The following NKAIN3 variants were observed in gnomAD, a reference collection of about 807,000 sequenced individuals.
NKAIN3 encodes the protein sodium/potassium-transporting ATPase subunit beta-1-interacting protein 3.
In NKAIN3, 25 loss-of-function variants were observed where a neutral mutation model predicts 30.2. That is an observed-to-expected ratio of 0.83 (90% CI 0.60 to 1.16). The LOEUF is 1.16. NKAIN3 is among the 50% of genes most tolerant of loss of function. The pLI, the probability that NKAIN3 is intolerant of heterozygous loss-of-function variation, is 0.00. For synonymous variants in NKAIN3, 91 were observed against 89.6 expected, an observed-to-expected ratio of 1.02 and a Z score of -0.09; for missense variants, 225 against 254.1, an observed-to-expected ratio of 0.89 and a Z score of 0.78.
At chr8:62,647,949 T>G (rs1400079988) in intron 3 of NKAIN3, among the ~76,000 whole-genome samples, 1 of 151,978 alleles carries the variant, frequency 6.6e-6, no homozygotes, top group Non-Finnish European at 1.5e-5. Context: ...TGGAAAGAAC[T>G]TGATGCAGGT....
chr8:62,493,134 A>G (rs1413941114), intron 1 of NKAIN3, among the ~76,000 whole-genome samples: 2 of 152,062 alleles, frequency 1.3e-5, no homozygotes, highest in East Asian at 3.9e-4. Flanking sequence ...TTCCTATGTC[A>G]GAATGGTATT....
At chr8:62,326,371 G>A (rs919176978) in intron 1 of NKAIN3, among the ~76,000 whole-genome samples, 3 of 151,424 alleles carry the variant, frequency 2.0e-5, no homozygotes, top group Non-Finnish European at 4.4e-5. Context: ...TGCCTTACTG[G>A]ACATTTGTTA....
chr8:62,619,204 C>T (rs940587928), intron 3 of NKAIN3, among the ~76,000 whole-genome samples: 4 of 152,196 alleles, frequency 2.6e-5, no homozygotes, highest in Admixed American at 2.6e-4. Context: ...CTAAGTTGAA[C>T]TTGACAATCC....
chr8:62,438,560 G>A (rs1012777461), intron 1 of NKAIN3, among the ~76,000 whole-genome samples: 1 of 152,006 alleles, frequency 6.6e-6, no homozygotes, highest in African/African-American at 2.4e-5. Context: ...GTCATGAATA[G>A]CCACTATTTT....
chr8:62,718,951 G>A (rs1012805569), intron 3 of NKAIN3, among the ~76,000 whole-genome samples: 6 of 152,010 alleles, frequency 3.9e-5, no homozygotes, highest in African/African-American at 1.2e-4. Context: ...GGTAGGCATC[G>A]CACATAAATA....
intron 4 of NKAIN3, among the ~76,000 whole-genome samples, chr8:62,841,441 T>A (rs779817393): frequency 7.2e-5 from 11 of 152,078 alleles, no homozygotes; most frequent in Non-Finnish European, 1.0e-4. Context: ...GTGTATCCTT[T>A]AAACAGTAAC....
rs62510828 is a variant in NKAIN3 at position 62,864,097 on chromosome 8, C to T, written c.472-54356C>T. The T allele has an allele frequency of 4.0e-3, 2,565 of 646,194 alleles. 7 individuals carry two copies. The highest frequency in any genetic ancestry group is 6.0e-3 in the Non-Finnish European group (2,165 of 361,308). 40.0% of individuals were successfully genotyped at this position (646,194 alleles called of 1,614,324 possible). ...GGAGCTCATTCCGACGCGGCGCAAG[C>T]GGGGCTACAGGGGCTTCGCGGAGGT... On this transcript the variant is annotated intron_variant, in intron 4 of 6. Coordinates refer to ENST00000623646, the MANE Select transcript of NKAIN3 (RefSeq NM_001304533.3).
chr8:62,654,852 G>C (rs1812721606), intron 3 of NKAIN3, among the ~76,000 whole-genome samples: 1 of 152,076 alleles, frequency 6.6e-6, no homozygotes, highest in Admixed American at 6.6e-5. Context: ...ATGAGAAACA[G>C]GAAACAGGAA....
chr8:62,741,450 C>T (rs142830783), intron 3 of NKAIN3, among the ~76,000 whole-genome samples: 43 of 152,004 alleles, frequency 2.8e-4, no homozygotes, highest in Middle Eastern at 6.8e-3. Context: ...CACACTCCAA[C>T]CTTCCTAAAA....
chr8:62,578,287 G>T (rs992918185), intron 1 of NKAIN3, among the ~76,000 whole-genome samples: 23 of 152,144 alleles, frequency 1.5e-4, no homozygotes, highest in Admixed American at 1.4e-3. Context: ...ATAAATTGTT[G>T]TGTATATATT....
chr8:62,486,121 A>G (rs1029183101), intron 1 of NKAIN3, among the ~76,000 whole-genome samples: 2 of 152,174 alleles, frequency 1.3e-5, no homozygotes, highest in African/African-American at 2.4e-5. Context: ...AAACAAAAAG[A>G]GAGAACGCTG....
chr8:62,884,311 T>A (rs1030304702), intron 4 of NKAIN3, among the ~76,000 whole-genome samples: 2 of 151,610 alleles, frequency 1.3e-5, no homozygotes, highest in Non-Finnish European at 2.9e-5. Context: ...CAGGATGGAG[T>A]GCAATGGCGC....
intron 3 of NKAIN3, among the ~76,000 whole-genome samples, chr8:62,670,783 T>C (rs1813274607): frequency 6.6e-6 from 1 of 151,930 alleles, no homozygotes; most frequent in South Asian, 2.1e-4. Context: ...GAGGCAATGG[T>C]GGCAGATTTC....
intron 4 of NKAIN3, among the ~76,000 whole-genome samples, chr8:62,878,017 G>A (rs1238665525): frequency 2.6e-5 from 3 of 117,348 alleles, no homozygotes; most frequent in Non-Finnish European, 4.9e-5. Flanking sequence ...TCCAGCCTGG[G>A]CAACAAGAAT....
chr8:62,309,567 C>T (rs1814360739), intron 1 of NKAIN3, among the ~76,000 whole-genome samples: 1 of 150,192 alleles, frequency 6.7e-6, no homozygotes, highest in South Asian at 2.1e-4. Context: ...GACTTGGTTG[C>T]AACATGAATG....
chr8:62,585,925 G>C (rs1233680048), intron 2 of NKAIN3, among the ~76,000 whole-genome samples: 1 of 152,008 alleles, frequency 6.6e-6, no homozygotes, highest in Non-Finnish European at 1.5e-5. Context: ...TAAGATTTTT[G>C]TCCTATAATT....
chr8:62,664,636 T>G (rs1223466258), intron 3 of NKAIN3, among the ~76,000 whole-genome samples: 1 of 152,184 alleles, frequency 6.6e-6, no homozygotes, highest in African/African-American at 2.4e-5. Context: ...TCTACTGTAA[T>G]AAACCATTTC....
At position 62,366,111 on chromosome 8, in the gene NKAIN3, T is replaced by C. The variant is rs1816728723; in HGVS notation, c.54+116984T>C. 2.0e-5 allele frequency among the ~76,000 whole-genome samples: 3 copies of C among 152,196 alleles called. No individual in the cohort carries two copies. The South Asian group carries it at 6.2e-4, about 31-fold the overall frequency. The stretch of plus-strand genomic sequence containing the variant: ...TGGTCTTTTCAGACTTTCTATCTGT[T>C]CCTAATTTAGTCTCAGTAGGTTGTA... On this transcript the variant is annotated intron_variant, in intron 1 of 6. Transcript: ENST00000623646.
At chr8:62,504,583 G>A (rs1306086616) in intron 1 of NKAIN3, among the ~76,000 whole-genome samples, 1 of 151,884 alleles carries the variant, frequency 6.6e-6, no homozygotes, top group Non-Finnish European at 1.5e-5. Flanking sequence ...ATTTGTTCCT[G>A]GATTGTTGCA....
Sources: gnomAD v4.1 joint callset for allele counts (sites outside exome capture counted in the v4.1 genomes callset) on GRCh38, gnomAD v4.1.1 for gene constraint, MANE v1.5 for transcripts, NCBI Gene and HGNC (gene_info 2026-07-23, HGNC 2026-07-21) for gene names.